Variants in EGFLAM observed in about 807,000 individuals in gnomAD.
EGFLAM encodes EGF like, fibronectin type III and laminin G domains, also known as pikachurin.
In EGFLAM, 79 loss-of-function variants were observed where a neutral mutation model predicts 113.1. The observed-to-expected ratio is 0.70, with a 90% CI of 0.58 to 0.84. The LOEUF (loss-of-function observed/expected upper bound fraction) is 0.84, where lower values mean the gene tolerates loss of function less well. Among genes scored for constraint, EGFLAM ranks in the 40% least tolerant of loss-of-function variants. The probability of loss-of-function intolerance (pLI) is 0.00; values close to 1 mark genes in which losing one functional copy is unlikely to be tolerated. For missense variants in EGFLAM, 1,265 were observed against 1,291.6 expected (o/e 0.98, Z 0.32); for synonymous variants, 504 against 487.6 (o/e 1.03, Z -0.44).
chr5:38,258,598 T>A lies in EGFLAM; in HGVS notation c.-157T>A. On this transcript the variant is annotated 5_prime_UTR_variant, in exon 1 of 22. Transcript: ENST00000322350. ...ACCTCCCGGCTGCAGTCCTACCTCT[T>A]GGAACTACCCGTGTTTCCGGGCCCA... 1.2e-6 allele frequency: 1 copy of A among 807,692 alleles called. No homozygotes were observed. The highest frequency in any genetic ancestry group is 2.0e-6 in the Non-Finnish European group (1 of 490,222). 50.0% of individuals were successfully genotyped at this position (807,692 alleles called of 1,614,324 possible).
chr5:38,412,348 C>T (rs1187413986), intron 10 of EGFLAM, among the ~76,000 whole-genome samples, 156 bp from the exon 11 acceptor site: 1 of 152,170 alleles, frequency 6.6e-6, no homozygotes, highest in African/African-American at 2.4e-5. Context: ...TAGTTCTTCC[C>T]TGTATTGATT....
Position 38,418,067 on chromosome 5 carries a change from G to T in EGFLAM, c.1496G>T (p.Gly499Val), listed in dbSNP as rs1490135106. 1 of 1,613,084 alleles carries T rather than the reference G, an allele frequency of 6.2e-7. No homozygotes were observed. Among genetic ancestry groups the T allele is most frequent in the Admixed American group, 1.7e-5 (1 of 59,946 alleles). Residue 499 changes from glycine (G) to valine (V), a missense_variant and splice_region_variant, in exon 12 of 22, where the codon GGC becomes GTC. Physicochemically the swap from Gly to Val is moderately radical, Grantham distance 109 (BLOSUM62 -3). Transcript: ENST00000322350. ...NGTPVTGQSQ[G>V]QYSKITFRTP... is the part of the protein sequence containing the mutation. ...CATGAGTGGTCATCTTTCTTAAAGG[G>T]CCAATACAGTAAAATTACTTTCCGG... is the stretch of plus-strand genomic sequence containing the variant.
intron 6 of EGFLAM, among the ~76,000 whole-genome samples, chr5:38,371,549 G>A (rs578115844): frequency 6.6e-5 from 10 of 152,024 alleles, no homozygotes; most frequent in South Asian, 6.2e-4. Context: ...ATGTCGGGTC[G>A]CCTTTTGTCA....
chr5:38,378,060 GT>G (rs1740411010), intron 6 of EGFLAM, among the ~76,000 whole-genome samples: 1 of 152,126 alleles, frequency 6.6e-6, no homozygotes, highest in African/African-American at 2.4e-5. Context: ...TTGCCATACT[GT>G]TCTCTCCATA....
In EGFLAM at chr5:38,366,933, C is replaced by T. The variant is rs74422857; in HGVS notation, c.546-3363C>T. The stretch of plus-strand genomic sequence containing the variant: ...GCCAATGGTAAGTGGCAAAATGAAC[C>T]AGTTAGTGAGCCCTGATTAAGTGAA... On this transcript the variant is annotated intron_variant, in intron 5 of 21. Transcript: ENST00000322350. Among the ~76,000 whole-genome samples the T allele has an allele frequency of 1.1e-3, 175 of 152,240 alleles. 4 individuals carry two copies. The South Asian group carries it at 0.021, about 19-fold the overall frequency.
chr5:38,286,703 T>C (rs1380249939), intron 1 of EGFLAM, among the ~76,000 whole-genome samples: 1 of 152,198 alleles, frequency 6.6e-6, no homozygotes, highest in Non-Finnish European at 1.5e-5. Flanking sequence ...ATATTGCCAT[T>C]ATGAAGCTAT....
chr5:38,410,233 G>C (rs2112138426), intron 10 of EGFLAM, among the ~76,000 whole-genome samples: 1 of 152,358 alleles, frequency 6.6e-6, no homozygotes, highest in Non-Finnish European at 1.5e-5. Context: ...ACTTGGGCTA[G>C]AAAATGGGCC....
chr5:38,325,360 C>G (rs531521444), intron 1 of EGFLAM, among the ~76,000 whole-genome samples: 2 of 152,318 alleles, frequency 1.3e-5, no homozygotes, highest in African/African-American at 4.8e-5. Context: ...TACTACTGGT[C>G]CCTTCAGTCC....
chr5:38,363,863 T>C (rs929124451), intron 5 of EGFLAM, among the ~76,000 whole-genome samples: 12 of 152,296 alleles, frequency 7.9e-5, no homozygotes, highest in African/African-American at 2.6e-4. Context: ...TAGTAAATAT[T>C]CTGTGCTTTG....
intron 1 of EGFLAM, among the ~76,000 whole-genome samples, chr5:38,313,121 A>C (rs1738500309): frequency 6.6e-6 from 1 of 152,144 alleles, no homozygotes; most frequent in East Asian, 1.9e-4. Flanking sequence ...AAGTAAATAA[A>C]ATATACAGAA....
chr5:38,336,782 G>GA (rs1579788971), intron 1 of EGFLAM, among the ~76,000 whole-genome samples: 2 of 151,800 alleles, frequency 1.3e-5, no homozygotes, highest in East Asian at 3.9e-4. Flanking sequence ...AAAAAAATCT[G>GA]AAATTTCAGA....
intron 12 of EGFLAM, among the ~76,000 whole-genome samples, chr5:38,420,676 A>G (rs1314638331): frequency 1.3e-5 from 2 of 152,198 alleles, no homozygotes; most frequent in Non-Finnish European, 2.9e-5. Context: ...AATCAGCTAT[A>G]ATCTGTTTCT....
At chr5:38,350,666 C>T in intron 4 of EGFLAM, 48 bp downstream of exon 4, 1 of 1,541,912 alleles carries the variant, frequency 6.5e-7, no homozygotes, top group Non-Finnish European at 8.9e-7. Flanking sequence ...GCTATCCATG[C>T]ATCCTTCATT....
At chr5:38,387,719 C>T (rs1434759377) in intron 6 of EGFLAM, among the ~76,000 whole-genome samples, 1 of 152,256 alleles carries the variant, frequency 6.6e-6, no homozygotes, top group Non-Finnish European at 1.5e-5. Flanking sequence ...GTCAATATGC[C>T]AATACCAATT....
At chr5:38,300,418 C>T (rs1758548663) in intron 1 of EGFLAM, among the ~76,000 whole-genome samples, 1 of 151,300 alleles carries the variant, frequency 6.6e-6, no homozygotes, top group Admixed American at 6.6e-5. Flanking sequence ...CTGTTCAGCC[C>T]AGGCTGGAGT....
rs749840708 is a variant in EGFLAM at position 38,438,389 on chromosome 5, CG to C, written c.2400del (p.Arg802GlyfsTer23). Reference protein sequence around the residue: ...RAPCAHGGSCRPRKEGYDCDC... With the variant: ...RAPCAHGGSCXPRKEGYDCDC... The stretch of plus-strand genomic sequence containing the variant: ...CCCTTGTGCCCATGGGGGCAGCTGC[CG>C]GCCCAGGAAGGAGGGCTATGACTGT... On this transcript the variant is annotated frameshift_variant, in exon 17 of 22. Transcript: ENST00000322350. LOFTEE classifies it high-confidence loss of function. 1 of 1,613,920 alleles carries C rather than the reference CG, an allele frequency of 6.2e-7. No individual in the cohort carries two copies. The highest frequency in any genetic ancestry group is 8.5e-7 in the Non-Finnish European group (1 of 1,179,902).
intron 1 of EGFLAM, among the ~76,000 whole-genome samples, chr5:38,298,727 G>T (rs972364251): frequency 2.0e-5 from 3 of 151,940 alleles, no homozygotes; most frequent in Non-Finnish European, 2.9e-5. Flanking sequence ...TTGAGACAGG[G>T]TCTCACTCTA....
chr5:38,317,093 C>T (rs1426794550), intron 1 of EGFLAM, among the ~76,000 whole-genome samples: 5 of 152,134 alleles, frequency 3.3e-5, no homozygotes, highest in East Asian at 1.9e-4. Flanking sequence ...TTCTTGCACA[C>T]GGATGCAGCA....
At chr5:38,451,729 G>A (rs556601159) in intron 19 of EGFLAM, 4 of 379,776 alleles carry the variant, frequency 1.1e-5, no homozygotes, top group South Asian at 1.0e-4. Flanking sequence ...AGTGGCTCAC[G>A]CCTGTAATCC....
Sources: allele counts gnomAD v4.1 joint callset (sites outside exome capture counted in the v4.1 genomes callset), GRCh38; gene constraint gnomAD v4.1.1; transcripts MANE v1.5; gene names NCBI Gene and HGNC (gene_info 2026-07-23, HGNC 2026-07-21).